Variants in F5 observed in about 807,000 individuals in gnomAD.
F5 encodes the protein activated protein c cofactor.
In F5, 138 loss-of-function variants were observed where a neutral mutation model predicts 216.4. The observed-to-expected ratio is 0.64, with a 90% CI of 0.56 to 0.73. The LOEUF is 0.73. Ranked by LOEUF, F5 falls within the 30% of genes least tolerant of loss-of-function variation. The pLI, the probability that F5 is intolerant of heterozygous loss-of-function variation, is 0.00. For missense variants in F5, 2,403 were observed against 2,674.0 expected, an observed-to-expected ratio of 0.90 and a Z score of 2.24; for synonymous variants, 916 against 930.7, an observed-to-expected ratio of 0.98 and a Z score of 0.29.
chr1:169,564,775 C>T (rs1660562054), intron 3 of F5, among the ~76,000 whole-genome samples: 2 of 152,016 alleles, frequency 1.3e-5, no homozygotes, highest in Admixed American at 6.6e-5. Flanking sequence ...ATGGCATCAG[C>T]ATATGTTTGG....
At chr1:169,583,110 T>C (rs1298139246) in intron 1 of F5, among the ~76,000 whole-genome samples, 1 of 152,196 alleles carries the variant, frequency 6.6e-6, no homozygotes, top group Non-Finnish European at 1.5e-5. Context: ...GATTAAAAAA[T>C]GTGAAACCAC....
In F5 at chr1:169,514,281, A is replaced by G. The variant is rs1571554596; in HGVS notation, c.*32T>C. The G allele has an allele frequency of 3.7e-6, 6 of 1,610,168 alleles. No individual in the cohort carries two copies. The highest frequency in any genetic ancestry group is 5.1e-6 in the Non-Finnish European group (6 of 1,176,828). ...TTCTAAATGGTTTGAGGTCTTAAAG[A>G]GTCTCTTCCAGGGGTTTTTGAATGT... On this transcript the variant is annotated 3_prime_UTR_variant, in exon 25 of 25. Coordinates refer to ENST00000367797, the MANE Select transcript of F5 (RefSeq NM_000130.5).
chr1:169,534,837 A>T (rs1301471004), intron 14 of F5, among the ~76,000 whole-genome samples: 1 of 152,174 alleles, frequency 6.6e-6, no homozygotes, highest in Non-Finnish European at 1.5e-5. Context: ...GCACCATGGA[A>T]TACTACGCAG....
chr1:169,583,401 A>G (rs769224142), intron 1 of F5, among the ~76,000 whole-genome samples: 5 of 152,234 alleles, frequency 3.3e-5, no homozygotes, highest in Non-Finnish European at 4.4e-5. Context: ...CAGCACCCAC[A>G]TATGCCATGA....
At chr1:169,554,132 C>G (rs570266956) in intron 7 of F5, among the ~76,000 whole-genome samples, 1 of 151,252 alleles carries the variant, frequency 6.6e-6, no homozygotes, top group East Asian at 1.9e-4. Context: ...AGTGAAAACT[C>G]TCACTTTTCT....
chr1:169,561,340 A>G (rs552747869), intron 3 of F5, among the ~76,000 whole-genome samples: 2 of 152,220 alleles, frequency 1.3e-5, no homozygotes, highest in Admixed American at 1.3e-4. Flanking sequence ...GTCTGTATGA[A>G]TATGAAATGT....
At chr1:169,561,913 C>T (rs556977366) in intron 3 of F5, among the ~76,000 whole-genome samples, 163 of 151,964 alleles carry the variant, frequency 1.1e-3, no homozygotes, top group South Asian at 2.9e-3. Context: ...CCCTTCCTTT[C>T]TCTTCCCTTT....
intron 7 of F5, among the ~76,000 whole-genome samples, chr1:169,553,533 C>T (rs1471312785): frequency 6.6e-6 from 1 of 152,108 alleles, no homozygotes; most frequent in African/African-American, 2.4e-5. Context: ...ACGGTGAAAC[C>T]CCATCTCTAC....
At chr1:169,517,916 CA>C (rs1659195326) in intron 23 of F5, among the ~76,000 whole-genome samples, 1 of 152,058 alleles carries the variant, frequency 6.6e-6, no homozygotes, top group Non-Finnish European at 1.5e-5. Flanking sequence ...AAATCTAAAT[CA>C]TTTTTTTATC....
At chr1:169,585,515 GT>G (rs1164808431) in intron 1 of F5, among the ~76,000 whole-genome samples, 1 of 152,084 alleles carries the variant, frequency 6.6e-6, no homozygotes, top group African/African-American at 2.4e-5. Flanking sequence ...AGAAAAAATA[GT>G]TTGCAACTCA....
intron 17 of F5, among the ~76,000 whole-genome samples, chr1:169,527,041 C>T (rs1280619974): frequency 1.3e-5 from 2 of 152,102 alleles, no homozygotes; most frequent in Non-Finnish European, 2.9e-5. Context: ...ATTCACACAA[C>T]GTCACCCAAA....
chr1:169,533,590 T>G (rs1659637672), intron 14 of F5, among the ~76,000 whole-genome samples: 1 of 151,982 alleles, frequency 6.6e-6, no homozygotes, highest in Non-Finnish European at 1.5e-5. Flanking sequence ...GCAAAAGACA[T>G]GAACAGATAC....
rs945759546 is a variant in F5 at position 169,523,119 on chromosome 1, A to T, written c.6048+78T>A. ...CCCAGAAAGGTATTTTTTAAAATAC[A>T]TAATCATTAGGTATAGTCATAATAA... is the stretch of plus-strand genomic sequence containing the variant. On this transcript the variant is annotated intron_variant, in intron 21 of 24. Coordinates refer to ENST00000367797, the MANE Select transcript of F5 (RefSeq NM_000130.5). The T allele has an allele frequency of 9.3e-6, 14 of 1,500,580 alleles. No homozygotes were observed. In the African/African-American group the frequency reaches 1.1e-4, roughly 12 times the overall value. The allele number at this position is 1,500,580 out of a possible 1,614,324, so 93.0% of individuals were successfully genotyped here. A position where few individuals can be genotyped will look rare whatever the true frequency, so the allele number is the denominator to read the frequency against.
At chr1:169,530,118 C>T (rs1659556695) in intron 15 of F5, among the ~76,000 whole-genome samples, 1 of 152,118 alleles carries the variant, frequency 6.6e-6, no homozygotes. Flanking sequence ...TGCAATCTCC[C>T]ATTTAATCCT....
At chr1:169,556,612 A>T (rs1660336523) in intron 6 of F5, 34 bp downstream of exon 6, 2 of 1,605,602 alleles carry the variant, frequency 1.2e-6, no homozygotes, top group African/African-American at 2.7e-5. Flanking sequence ...AGGATTCTGC[A>T]TTGAGAAGCA....
At chr1:169,585,592 A>T (rs979584557) in intron 1 of F5, among the ~76,000 whole-genome samples, 1 of 152,152 alleles carries the variant, frequency 6.6e-6, no homozygotes, top group Admixed American at 6.6e-5. Context: ...GCCAAGGTAA[A>T]CCATATCCCA....
chr1:169,524,806 A>G (rs370387326), intron 19 of F5, 31 bp downstream of exon 19: 4 of 1,567,300 alleles, frequency 2.6e-6, no homozygotes, highest in African/African-American at 1.4e-5. Context: ...TGTAGGGGGT[A>G]CCATTCACAG....
Position 169,556,845 on chromosome 1 carries a change from G to A in F5, c.753C>T (p.Asp251=). The change falls in exon 6 of 25, where the codon GAC becomes GAT. Residue 251 remains aspartate (D), a synonymous_variant. Coordinates refer to ENST00000367797, the MANE Select transcript of F5 (RefSeq NM_000130.5). The part of the protein sequence containing the change: ...TMPDITVCAH[D]HISWHLLGMS... ...TTCCCAGCAGATGCCAGCTGATGTG[G>A]TCATGGGCACAAACTGTTATATCTG... The A allele has an allele frequency of 1.2e-6, 2 of 1,613,994 alleles. No individual in the cohort carries two copies. The highest frequency in any genetic ancestry group is 1.7e-6 in the Non-Finnish European group (2 of 1,179,980).
chr1:169,583,717 G>C (rs1026058781), intron 1 of F5, among the ~76,000 whole-genome samples: 1 of 152,192 alleles, frequency 6.6e-6, no homozygotes, highest in Non-Finnish European at 1.5e-5. Flanking sequence ...GGTTTTCTCA[G>C]AAAGCAAAAA....
Sources: allele counts gnomAD v4.1 joint callset (sites outside exome capture counted in the v4.1 genomes callset), GRCh38; gene constraint gnomAD v4.1.1; transcripts MANE v1.5; gene names NCBI Gene and HGNC (gene_info 2026-07-23, HGNC 2026-07-21).